Variants in HMCN2 observed in about 807,000 individuals in gnomAD.
HMCN2 encodes hemicentin-2.
A neutral mutation model predicts 377.5 loss-of-function variants in HMCN2; 325 were observed. The observed-to-expected ratio is 0.86, with a 90% CI of 0.79 to 0.94. The LOEUF (loss-of-function observed/expected upper bound fraction) is 0.94. Ranked by LOEUF, HMCN2 falls within the 40% of genes least tolerant of loss-of-function variation. HMCN2 has a pLI of 0.00. For missense variants in HMCN2, 4,543 were observed against 4,725.3 expected (o/e 0.96, Z 1.13); for synonymous variants, 2,007 against 2,046.8 (o/e 0.98, Z 0.53).
At chr9:130,363,851 AAGAG>A (rs1038478535) in intron 40 of HMCN2, among the ~76,000 whole-genome samples, 32 of 149,420 alleles carry the variant, frequency 2.1e-4, no homozygotes, top group East Asian at 1.8e-3. Flanking sequence ...AAGAGAGAAA[AAGAG>A]AGAGAGAGAG....
In HMCN2 at chr9:130,351,385, C is replaced by G. The variant is rs114646279; in HGVS notation, c.4431-38C>G. 5 of 1,284,276 alleles carry G rather than the reference C, an allele frequency of 3.9e-6. No individual in the cohort carries two copies. The highest frequency in any genetic ancestry group is 4.1e-6 in the Non-Finnish European group (4 of 975,486). The allele number at this position is 1,284,276 out of a possible 1,614,324, so 79.6% of individuals were successfully genotyped here. A position where few individuals can be genotyped will look rare whatever the true frequency, so the allele number is the denominator to read the frequency against. On this transcript the variant is annotated intron_variant, in intron 29 of 97. Transcript: ENST00000683500. This position sits in a 1 kb window ranked among gnomAD's most constrained non-coding sequence, Gnocchi z 5.4. ...GTGCAGCGTGTCCCATCCAGCCCCT[C>G]GGCCTTACTGGCGCTTTTCCCTTGC... is the stretch of plus-strand genomic sequence containing the variant.
At chr9:130,381,988 C>T (rs939870917) in intron 54 of HMCN2, among the ~76,000 whole-genome samples, 196 bp from the exon 55 acceptor site, 2 of 152,160 alleles carry the variant, frequency 1.3e-5, no homozygotes, top group Non-Finnish European at 2.9e-5. Context: ...GCCTGGCACG[C>T]AGCGAGTGGT....
intron 57 of HMCN2, among the ~76,000 whole-genome samples, 181 bp downstream of exon 57, chr9:130,383,781 C>T (rs1333211228): frequency 3.9e-5 from 6 of 152,218 alleles, no homozygotes; most frequent in African/African-American, 1.2e-4. Context: ...ACTGGGCCAA[C>T]CCCAGGTGGT....
intron 60 of HMCN2, 77 bp from the exon 61 acceptor site, chr9:130,386,366 C>A: frequency 1.1e-6 from 1 of 905,156 alleles, no homozygotes; most frequent in Non-Finnish European, 1.5e-6. Flanking sequence ...GTTTTGGGGG[C>A]CTAGATGCTT....
intron 22 of HMCN2, among the ~76,000 whole-genome samples, chr9:130,335,750 G>A (rs1244816948): frequency 6.6e-6 from 1 of 152,046 alleles, no homozygotes; most frequent in Non-Finnish European, 1.5e-5. Context: ...GAGGCAGAAT[G>A]GTGGTTCTCA....
At position 130,369,518 on chromosome 9, in the gene HMCN2, G is replaced by A; in HGVS notation, c.6788-52G>A. On this transcript the variant is annotated intron_variant, in intron 44 of 97. Transcript: ENST00000683500. This position sits in a 1 kb window ranked among gnomAD's most constrained non-coding sequence, Gnocchi z 4.5. ...ATTGGGCCCGGGGTAAGTGTGTGGT[G>A]CCTGGTGGCCCCAGCAGCTTTCTCT... is the stretch of plus-strand genomic sequence containing the variant. 2 of 966,300 alleles carry A rather than the reference G, an allele frequency of 2.1e-6. No individual in the cohort carries two copies. The highest frequency in any genetic ancestry group is 2.5e-6 in the Non-Finnish European group (2 of 812,188). 59.9% of individuals were successfully genotyped at this position (966,300 alleles called of 1,614,324 possible).
Position 130,408,877 on chromosome 9 carries a change from G to A in HMCN2, c.12823G>A (p.Gly4275Ser), listed in dbSNP as rs1463799545. Reference sequence around the variant, plus strand: ...GATCAAAGATGGCCTTCCACTGCGGGGCAGCCACCTCCGGCACCAGCTGCA... The same window carrying A: ...GATCAAAGATGGCCTTCCACTGCGGAGCAGCCACCTCCGGCACCAGCTGCA... ...HWIKDGLPLR[G>S]SHLRHQLQNG... Residue 4275 changes from glycine to serine, a missense_variant, in exon 84 of 98, where the codon GGC becomes AGC. Physicochemically the swap from Gly to Ser is moderately conservative, Grantham distance 56. This residue lies in a region of HMCN2 where 1,155 missense variants were observed against 1,157.7 expected (regional missense o/e 1.00). Transcript: ENST00000683500. 2.3e-6 allele frequency: 3 copies of A among 1,289,634 alleles called. No homozygotes were observed. The highest frequency in any genetic ancestry group is 2.0e-6 in the Non-Finnish European group (2 of 988,868). The allele number at this position is 1,289,634 out of a possible 1,614,324, so 79.9% of individuals were successfully genotyped here.
In HMCN2 at chr9:130,369,346, G is replaced by T. The variant is rs553332187; in HGVS notation, c.6788-224G>T. Among the ~76,000 whole-genome samples, 79 of 152,200 alleles carry T rather than the reference G, an allele frequency of 5.2e-4. No individual in the cohort carries two copies. Among genetic ancestry groups the T allele is most frequent in the Non-Finnish European group, 9.8e-4 (67 of 68,040 alleles). On this transcript the variant is annotated intron_variant, in intron 44 of 97. Transcript: ENST00000683500. The surrounding 1 kb of genome is among the most constrained non-coding windows in gnomAD (Gnocchi z 4.5). Reference sequence around the variant, plus strand: ...AAAACCCATCACACTTCCTGAAAGGGCTGTTCCCCACATAGCAGGCCTGCC... The same window carrying T: ...AAAACCCATCACACTTCCTGAAAGGTCTGTTCCCCACATAGCAGGCCTGCC...
At chr9:130,370,829 T>G (rs1840982151) in intron 45 of HMCN2, 135 bp from the exon 46 acceptor site, 1 of 416,472 alleles carries the variant, frequency 2.4e-6, no homozygotes. Context: ...GGGGAGCAGC[T>G]CTGCTCTCGT....
chr9:130,281,425 G>A (rs1432319386), intron 1 of HMCN2, among the ~76,000 whole-genome samples: 2 of 152,098 alleles, frequency 1.3e-5, no homozygotes, highest in African/African-American at 4.8e-5. Flanking sequence ...GTGAAACCCT[G>A]TCTCTACTAG....
chr9:130,308,508 G>T lies in HMCN2; in HGVS notation c.2200+942G>T, dbSNP rs1281509040. On this transcript the variant is annotated intron_variant, in intron 14 of 97. Coordinates refer to ENST00000683500, the MANE Select transcript of HMCN2 (RefSeq NM_001291815.2). This position sits in a 1 kb window ranked among gnomAD's most constrained non-coding sequence, Gnocchi z 4.1. ...GGCTCCCTCTCGAGGGTCAACCGGG[G>T]TCAGCAATACTGTCCCCTCCCATTC... 1.3e-5 allele frequency among the ~76,000 whole-genome samples: 2 copies of T among 152,146 alleles called. No individual in the cohort carries two copies. The highest frequency in any genetic ancestry group is 2.4e-5 in the African/African-American group (1 of 41,436).
At chr9:130,291,424 A>G (rs1401320914) in intron 4 of HMCN2, among the ~76,000 whole-genome samples, 1 of 152,168 alleles carries the variant, frequency 6.6e-6, no homozygotes, top group Non-Finnish European at 1.5e-5. Flanking sequence ...TGGCCAGGCT[A>G]GTCTCAAACT....
chr9:130,287,108 G>A (rs1364896905), intron 4 of HMCN2, among the ~76,000 whole-genome samples: 3 of 152,232 alleles, frequency 2.0e-5, no homozygotes, highest in African/African-American at 2.4e-5. Context: ...GGGAAGTGAC[G>A]CTGACACTCA....
chr9:130,381,645 A>G (rs921211703), intron 54 of HMCN2, among the ~76,000 whole-genome samples: 4 of 152,162 alleles, frequency 2.6e-5, no homozygotes, highest in African/African-American at 9.7e-5. Context: ...CTGGGATTGT[A>G]GGATTGTAGG....
Position 130,266,051 on chromosome 9 carries a change from A to G in HMCN2, c.173A>G (p.Asp58Gly). 2 of 470,856 alleles carry G rather than the reference A, an allele frequency of 4.2e-6. No homozygotes were observed. The highest frequency in any genetic ancestry group is 8.8e-6 in the Non-Finnish European group (2 of 227,004). 29.2% of individuals were successfully genotyped at this position (470,856 alleles called of 1,614,324 possible). A position where few individuals can be genotyped will look rare whatever the true frequency, so the allele number is the denominator to read the frequency against. ...TGGGACGAACTGATGCAGGTGATCG[A>G]TGGCGCCTCGCGCATTCTGGAACGC... ...SMWDELMQVI[D>G]GASRILERSL... is the part of the protein sequence containing the mutation. Residue 58 changes from aspartate (D) to glycine (G), a missense_variant, in exon 1 of 98, where the codon GAT becomes GGT. Coordinates refer to ENST00000683500, the MANE Select transcript of HMCN2 (RefSeq NM_001291815.2).
In HMCN2 at chr9:130,268,184, G is replaced by C. The variant is rs111832567; in HGVS notation, c.259+2047G>C. Among the ~76,000 whole-genome samples the C allele has an allele frequency of 4.6e-5, 7 of 152,112 alleles. No homozygotes were observed. The South Asian group carries it at 1.5e-3, about 32-fold the overall frequency. ...GACCAGGGTTCCTGAGACTGTCCTC[G>C]CTGCCCCATTTGTGGCCATGAGCCT... On this transcript the variant is annotated intron_variant, in intron 1 of 97. Transcript: ENST00000683500.
At chr9:130,430,846 C>G (rs1469027900) in intron 95 of HMCN2, 1 of 537,154 alleles carries the variant, frequency 1.9e-6, no homozygotes. Context: ...CTTCAGGACA[C>G]TTTGCCCAGA....
intron 15 of HMCN2, among the ~76,000 whole-genome samples, chr9:130,318,725 T>G (rs1390200379): frequency 6.6e-6 from 1 of 152,194 alleles, no homozygotes; most frequent in Admixed American, 6.5e-5. Context: ...CCAGTCGTCC[T>G]GGGGTCACTA....
chr9:130,277,775 TCATCATCACCACCAC>T lies in HMCN2; in HGVS notation c.260-6819_260-6805del, dbSNP rs1564739391. 6.7e-4 allele frequency among the ~76,000 whole-genome samples: 50 copies of T among 74,818 alleles called. 1 individual carries two copies. The highest frequency in any genetic ancestry group is 5.2e-4 in the Non-Finnish European group (19 of 36,194). 49.1% of individuals were successfully genotyped at this position (74,818 alleles called of 152,430 possible). On this transcript the variant is annotated intron_variant, in intron 1 of 97. Transcript: ENST00000683500. ...ACCATCATCATCATCACCACCACCATCATCATCACCACCACCATCATCATCACCACCACCACCATC... is the reference window on the plus strand; with the variant it reads ...ACCATCATCATCATCACCACCACCATCATCATCATCACCACCACCACCATC...
Sources: gnomAD v4.1 joint callset for allele counts (sites outside exome capture counted in the v4.1 genomes callset) on GRCh38, gnomAD v4.1.1 for gene constraint, gnomAD v4.1.1 regional missense constraint, Gnocchi (gnomAD v3.1) non-coding constraint, MANE v1.5 for transcripts, NCBI Gene and HGNC (gene_info 2026-07-23, HGNC 2026-07-21) for gene names.